Variants in TCF12 observed in about 807,000 individuals in gnomAD.
TCF12 encodes the protein transcription factor 12.
Under a neutral mutation model 86.0 loss-of-function variants are expected in TCF12, and 45 were observed. That is an observed-to-expected ratio of 0.52 (90% CI 0.41 to 0.67). The LOEUF (loss-of-function observed/expected upper bound fraction) is 0.67. TCF12 is among the 30% of genes least tolerant of loss of function. The pLI is 0.00. For missense variants in TCF12, 881 were observed against 859.9 expected, an observed-to-expected ratio of 1.02 and a Z score of -0.31; for synonymous variants, 330 against 299.6, an observed-to-expected ratio of 1.10 and a Z score of -1.05.
intron 12 of TCF12, among the ~76,000 whole-genome samples, chr15:57,240,210 G>A (rs2151956664): frequency 6.6e-6 from 1 of 152,256 alleles, no homozygotes. Context: ...CCATTTATCT[G>A]CACTGTTGTG....
At chr15:57,096,503 G>C (rs955849518) in intron 5 of TCF12, among the ~76,000 whole-genome samples, 1 of 152,040 alleles carries the variant, frequency 6.6e-6, no homozygotes, top group Non-Finnish European at 1.5e-5. Context: ...TGGGTCCCCT[G>C]ATGCTCAAGT....
At chr15:57,002,353 C>G (rs2064096928) in intron 3 of TCF12, among the ~76,000 whole-genome samples, 1 of 152,186 alleles carries the variant, frequency 6.6e-6, no homozygotes, top group African/African-American at 2.4e-5. Context: ...AATAAAAAGC[C>G]TCCGTGTTTC....
intron 6 of TCF12, among the ~76,000 whole-genome samples, chr15:57,170,722 T>TTATA (rs1567559145): frequency 1.5e-4 from 4 of 25,888 alleles, no homozygotes; most frequent in African/African-American, 4.6e-4. Context: ...AATATATATA[T>TTATA]TATATATTAT....
intron 8 of TCF12, among the ~76,000 whole-genome samples, chr15:57,213,277 A>C (rs761914736): frequency 6.6e-6 from 1 of 152,226 alleles, no homozygotes; most frequent in Non-Finnish European, 1.5e-5. Context: ...TACTAATAAG[A>C]AACCATTCTT....
At chr15:56,992,658 A>G (rs1432227720) in intron 3 of TCF12, among the ~76,000 whole-genome samples, 1 of 152,206 alleles carries the variant, frequency 6.6e-6, no homozygotes, top group African/African-American at 2.4e-5. Flanking sequence ...AGTGCACTAC[A>G]AAATTTTGAG....
At chr15:56,989,423 A>G (rs189671861) in intron 3 of TCF12, among the ~76,000 whole-genome samples, 57 of 152,328 alleles carry the variant, frequency 3.7e-4, no homozygotes, top group African/African-American at 1.3e-3. Context: ...CTCTCCTTGC[A>G]GGACTTAAAA....
intron 5 of TCF12, among the ~76,000 whole-genome samples, chr15:57,129,090 T>G (rs2151332420): frequency 6.6e-6 from 1 of 152,332 alleles, no homozygotes; most frequent in South Asian, 2.1e-4. Context: ...TGTTTAACCA[T>G]TTGAGGAACT....
intron 3 of TCF12, among the ~76,000 whole-genome samples, chr15:57,003,112 T>C (rs12906873): frequency 0.39 from 58,885 of 152,056 alleles, 14,198 homozygotes; most frequent in Non-Finnish European, 0.53. Context: ...GAAAACTTTT[T>C]CTGCAGATGC....
intron 3 of TCF12, among the ~76,000 whole-genome samples, chr15:57,026,079 G>T (rs1163562306): frequency 1.3e-5 from 2 of 152,206 alleles, no homozygotes; most frequent in African/African-American, 4.8e-5. Flanking sequence ...TGTTCCTCTA[G>T]AACAGAGATA....
Position 57,064,584 on chromosome 15 carries a change from C to G in TCF12, c.222+761C>G, listed in dbSNP as rs140465659. On this transcript the variant is annotated intron_variant, in intron 4 of 20. Transcript: ENST00000333725. ...TTGAGGCAGGTGGATCACTACAAGT[C>G]AGAAGTTCGAGTCCAGCCTAGCCAA... Among the ~76,000 whole-genome samples, 1,351 of 152,078 alleles carry G rather than the reference C, an allele frequency of 8.9e-3. 10 individuals are homozygous for G. Among genetic ancestry groups the G allele is most frequent in the Non-Finnish European group, 0.015 (1,019 of 67,994 alleles).
intron 5 of TCF12, among the ~76,000 whole-genome samples, chr15:57,104,220 C>T (rs1311648571): frequency 6.6e-6 from 1 of 151,646 alleles, no homozygotes; most frequent in African/African-American, 2.4e-5. Context: ...TCACAATGAG[C>T]ATGTATTTAT....
intron 3 of TCF12, among the ~76,000 whole-genome samples, chr15:56,961,402 A>G (rs576550055): frequency 6.6e-6 from 1 of 152,340 alleles, no homozygotes; most frequent in Non-Finnish European, 1.5e-5. Flanking sequence ...TTTAAGTATC[A>G]GGTATCCAAC....
rs552902352 is a variant in TCF12 at position 57,286,902 on chromosome 15, A to G, written c.*757A>G. On this transcript the variant is annotated 3_prime_UTR_variant, in exon 21 of 21. Coordinates refer to ENST00000333725, the MANE Select transcript of TCF12 (RefSeq NM_207037.2). The stretch of plus-strand genomic sequence containing the variant: ...CCGTGCAGCCCTGTGTGCTTTGCAC[A>G]TTTACCTTACAGTGGTAAGCAGAGA... 9.8e-6 allele frequency: 3 copies of G among 304,642 alleles called. No homozygotes were observed. Among genetic ancestry groups the G allele is most frequent in the South Asian group, 8.7e-5 (3 of 34,574 alleles). The allele number at this position is 304,642 out of a possible 1,614,324, so 18.9% of individuals were successfully genotyped here. A position where few individuals can be genotyped will look rare whatever the true frequency, so the allele number is the denominator to read the frequency against.
intron 13 of TCF12, 28 bp from the exon 14 acceptor site, chr15:57,251,322 G>A: frequency 6.3e-7 from 1 of 1,598,812 alleles, no homozygotes; most frequent in Middle Eastern, 1.7e-4. Flanking sequence ...GTTAACCCAG[G>A]TGTGTGGCTA....
At chr15:57,152,236 A>G (rs2053814817) in intron 5 of TCF12, among the ~76,000 whole-genome samples, 1 of 152,234 alleles carries the variant, frequency 6.6e-6, no homozygotes, top group Non-Finnish European at 1.5e-5. Flanking sequence ...TACCCACAGT[A>G]TCCTGCATCC....
At chr15:57,244,658 A>G (rs1734726665) in intron 13 of TCF12, among the ~76,000 whole-genome samples, 1 of 151,918 alleles carries the variant, frequency 6.6e-6, no homozygotes, top group African/African-American at 2.4e-5. Context: ...ATGGAGTTTC[A>G]CCATGTTGGC....
At chr15:56,938,486 T>C (rs1393555417) in intron 3 of TCF12, among the ~76,000 whole-genome samples, 1 of 152,108 alleles carries the variant, frequency 6.6e-6, no homozygotes, top group Non-Finnish European at 1.5e-5. Context: ...GTTGTGTCCT[T>C]TCCTGGTTTT....
rs1398637934 is a variant in TCF12 at position 57,174,332 on chromosome 15, T to G, written c.390+7866T>G. ...AAGAAAAACAATGTGATCATTTCCA[T>G]AGATACAGAAAAGATATTTGACAAA... On this transcript the variant is annotated intron_variant, in intron 6 of 20. Transcript: ENST00000333725. 2.0e-5 allele frequency among the ~76,000 whole-genome samples: 3 copies of G among 152,180 alleles called. No homozygotes were observed. The South Asian group carries it at 6.2e-4, about 32-fold the overall frequency.
At position 57,232,438 on chromosome 15, in the gene TCF12, A is replaced by G. The variant is rs376545875; in HGVS notation, c.825+8A>G. On this transcript the variant is annotated splice_region_variant and intron_variant, in intron 10 of 20. Transcript: ENST00000333725. ...CATTCACATGACCGCTTGGTAGGCT[A>G]TAACACGTGACTAGGGTACAGCAAC... 147 of 1,596,668 alleles carry G rather than the reference A, an allele frequency of 9.2e-5. No individual in the cohort carries two copies. Among genetic ancestry groups the G allele is most frequent in the Middle Eastern group, 5.0e-4 (3 of 5,976 alleles).
Sources: gnomAD v4.1 joint callset for allele counts (sites outside exome capture counted in the v4.1 genomes callset) on GRCh38, gnomAD v4.1.1 for gene constraint, MANE v1.5 for transcripts, NCBI Gene and HGNC (gene_info 2026-07-23, HGNC 2026-07-21) for gene names.